Variants in ATG7 observed in about 807,000 individuals in gnomAD.
ATG7 encodes autophagy related 7.
In ATG7, 70 loss-of-function variants were observed where a neutral mutation model predicts 82.4. That is an observed-to-expected ratio of 0.85 (90% confidence interval 0.70 to 1.04). The LOEUF (loss-of-function observed/expected upper bound fraction) is 1.04, where lower values mean the gene tolerates loss of function less well. Ranked by LOEUF, ATG7 falls within the 50% of genes least tolerant of loss-of-function variation. ATG7 has a pLI of 0.00. For synonymous variants in ATG7, 287 were observed against 313.0 expected (o/e 0.92, Z 0.88); for missense variants, 792 against 864.3 (o/e 0.92, Z 1.05).
chr3:11,285,167 C>T (rs562546226), intron 3 of ATG7, among the ~76,000 whole-genome samples: 611 of 134,106 alleles, frequency 4.6e-3, no homozygotes, highest in Non-Finnish European at 7.4e-3. Context: ...TTTAAAAGCC[C>T]GGCCTTTTTT....
At chr3:11,338,017 C>G (rs1030413510) in intron 11 of ATG7, among the ~76,000 whole-genome samples, 5 of 151,882 alleles carry the variant, frequency 3.3e-5, no homozygotes, top group Non-Finnish European at 5.9e-5. Context: ...TATAAGTAAA[C>G]TTGTTTCCCA....
At chr3:11,312,302 G>T (rs969315220) in intron 7 of ATG7, among the ~76,000 whole-genome samples, 1 of 152,170 alleles carries the variant, frequency 6.6e-6, no homozygotes, top group Non-Finnish European at 1.5e-5. Context: ...TTGTAGGCAA[G>T]CTGCCAAATA....
chr3:11,493,377 G>T (rs1413925563), intron 20 of ATG7, among the ~76,000 whole-genome samples: 10 of 152,336 alleles, frequency 6.6e-5, no homozygotes, highest in Admixed American at 5.9e-4. Context: ...AGGATGGGGG[G>T]ACAGGGCTGG....
chr3:11,439,964 G>T (rs1309919106), intron 20 of ATG7, among the ~76,000 whole-genome samples: 1 of 152,148 alleles, frequency 6.6e-6, no homozygotes, highest in East Asian at 1.9e-4. Flanking sequence ...CTATGCTCAG[G>T]ATTTATCTAC....
intron 19 of ATG7, among the ~76,000 whole-genome samples, chr3:11,403,365 G>C (rs1218632444): frequency 1.3e-5 from 2 of 151,568 alleles, no homozygotes; most frequent in Non-Finnish European, 2.9e-5. Flanking sequence ...TAAGGGTATT[G>C]GGGGAAGGTA....
At chr3:11,563,793 G>C in the ATG7 span, among the ~76,000 whole-genome samples, 3 of 152,194 alleles carry the variant, frequency 2.0e-5, no homozygotes, top group Non-Finnish European at 4.4e-5. Flanking sequence ...AAACAAACAG[G>C]ATTACCATGT....
Position 11,319,259 on chromosome 3 carries a change from C to G in ATG7, c.678+3766C>G, listed in dbSNP as rs113241670. 2.0e-3 allele frequency among the ~76,000 whole-genome samples: 305 copies of G among 152,326 alleles called. 1 individual carries two copies. Among genetic ancestry groups the G allele is most frequent in the African/African-American group, 7.0e-3 (290 of 41,568 alleles). On this transcript the variant is annotated intron_variant, in intron 9 of 20. Transcript: ENST00000693202. ...TTGTTCACTCTCTTTAGCATGATTC[C>G]AGTTTCCCTTCGAGCCACGACATTT...
rs201617539 is a variant in ATG7 at position 11,485,897 on chromosome 3, C to A, written c.2079+58971C>A. ...GAGGGCTCTGTTCTGTTCCATTGAT[C>A]TATATCTCTGTTTTGGTACCAGTAC... is the stretch of plus-strand genomic sequence containing the variant. On this transcript the variant is annotated intron_variant, in intron 20 of 20. Coordinates refer to ENST00000693202, the MANE Select transcript of ATG7 (RefSeq NM_001349232.2). Among the ~76,000 whole-genome samples, 29 of 151,260 alleles carry A rather than the reference C, an allele frequency of 1.9e-4. No individual in the cohort carries two copies. The East Asian group carries it at 5.1e-3, about 26-fold the overall frequency.
intron 19 of ATG7, among the ~76,000 whole-genome samples, chr3:11,394,263 G>A (rs545281123): frequency 6.6e-6 from 1 of 152,274 alleles, no homozygotes; most frequent in South Asian, 2.1e-4. Context: ...CATGTACTAA[G>A]GATATATTAT....
At chr3:11,375,922 C>T (rs553381681) in intron 18 of ATG7, among the ~76,000 whole-genome samples, 2 of 152,264 alleles carry the variant, frequency 1.3e-5, no homozygotes, top group Admixed American at 6.5e-5. Flanking sequence ...GTTAAACAGT[C>T]GTCATATGAC....
intron 5 of ATG7, among the ~76,000 whole-genome samples, chr3:11,301,757 G>C (rs1386493607): frequency 6.6e-6 from 1 of 152,114 alleles, no homozygotes; most frequent in Non-Finnish European, 1.5e-5. Context: ...AAGATGGTAC[G>C]GGGGAGCATC....
intron 19 of ATG7, among the ~76,000 whole-genome samples, chr3:11,411,619 C>CAAAAAA (rs71055868): frequency 0.097 from 6,909 of 71,404 alleles, 1,100 homozygotes; most frequent in Non-Finnish European, 0.15. Flanking sequence ...ACTCTGTCTC[C>CAAAAAA]AAAAAAAAAA....
intron 19 of ATG7, among the ~76,000 whole-genome samples, chr3:11,405,982 T>G (rs563677113): frequency 1.1e-5 from 1 of 90,418 alleles, no homozygotes; most frequent in African/African-American, 4.1e-5. Context: ...TTCCTTGCTT[T>G]TTTTTGTTTT....
At chr3:11,536,851 ATGT>A (rs1370598362) in intron 20 of ATG7, among the ~76,000 whole-genome samples, 1 of 152,030 alleles carries the variant, frequency 6.6e-6, no homozygotes, top group Non-Finnish European at 1.5e-5. Flanking sequence ...GGTGAACTTA[ATGT>A]TGTGCAAGAT....
chr3:11,546,865 G>A (rs145882599), intron 20 of ATG7, among the ~76,000 whole-genome samples: 26 of 152,378 alleles, frequency 1.7e-4, no homozygotes, highest in South Asian at 1.0e-3. Flanking sequence ...GCTGACCAGA[G>A]GGGCTGAGCC....
chr3:11,273,084 C>T (rs1419913453), intron 1 of ATG7, among the ~76,000 whole-genome samples: 2 of 152,216 alleles, frequency 1.3e-5, no homozygotes, highest in Admixed American at 6.5e-5. Context: ...TGTGTGTGCA[C>T]GTGCGTGCAG....
chr3:11,575,605 C>A, the ATG7 span, among the ~76,000 whole-genome samples: 4 of 152,190 alleles, frequency 2.6e-5, no homozygotes, highest in African/African-American at 9.7e-5. Flanking sequence ...ACTTACCCAG[C>A]GGCAGCCGCT....
chr3:11,316,243 A>G (rs980514852), intron 9 of ATG7, among the ~76,000 whole-genome samples: 3 of 152,124 alleles, frequency 2.0e-5, no homozygotes, highest in Non-Finnish European at 4.4e-5. Flanking sequence ...CCAAGAGCAT[A>G]ATGGTGTCTT....
chr3:11,276,203 A>G (rs1325392274), intron 1 of ATG7, among the ~76,000 whole-genome samples: 1 of 152,128 alleles, frequency 6.6e-6, no homozygotes, highest in Non-Finnish European at 1.5e-5. Context: ...GCCATTAATT[A>G]AGGCATCGCA....
Sources: gnomAD v4.1 joint callset for allele counts (sites outside exome capture counted in the v4.1 genomes callset) on GRCh38, gnomAD v4.1.1 for gene constraint, MANE v1.5 for transcripts, NCBI Gene and HGNC (gene_info 2026-07-23, HGNC 2026-07-21) for gene names.